Variants in DLG4 observed in about 807,000 individuals in gnomAD.
The protein encoded by DLG4 is discs large MAGUK scaffold protein 4.
Under a neutral mutation model 93.8 loss-of-function variants are expected in DLG4, and 7 were observed. The ratio of observed to expected loss-of-function variants is 0.07; its 90% CI spans 0.04 to 0.14. The LOEUF (loss-of-function observed/expected upper bound fraction) is 0.14. DLG4 is among the 10% of genes least tolerant of loss of function. The pLI, the probability that DLG4 is intolerant of heterozygous loss-of-function variation, is 1.00. For missense variants in DLG4, 545 were observed against 992.9 expected, an observed-to-expected ratio of 0.55 and a Z score of 6.06; for synonymous variants, 341 against 387.6, an observed-to-expected ratio of 0.88 and a Z score of 1.41.
intron 2 of DLG4, 41 bp from the exon 3 acceptor site, chr17:7,204,293 G>A (rs774825061): frequency 6.5e-7 from 1 of 1,537,394 alleles, no homozygotes; most frequent in East Asian, 2.3e-5. Context: ...CCTGAGCCTT[G>A]ACTCGAGAGG....
At chr17:7,205,845 C>T (rs2070441167) in intron 2 of DLG4, among the ~76,000 whole-genome samples, 1 of 150,856 alleles carries the variant, frequency 6.6e-6, no homozygotes, top group African/African-American at 2.4e-5. Context: ...ATCCCATAGC[C>T]CATCCTCAAT....
intron 1 of DLG4, among the ~76,000 whole-genome samples, chr17:7,215,114 C>T (rs2070852641): frequency 6.6e-6 from 1 of 152,202 alleles, no homozygotes; most frequent in South Asian, 2.1e-4. Flanking sequence ...CCAACAGCGC[C>T]ATGGGCAGCA....
At chr17:7,213,223 G>A (rs891465684) in intron 1 of DLG4, among the ~76,000 whole-genome samples, 3 of 150,300 alleles carry the variant, frequency 2.0e-5, no homozygotes, top group African/African-American at 4.9e-5. Flanking sequence ...TCAACCTCCC[G>A]GATATCTGGC....
chr17:7,218,342 C>G (rs2071030295), upstream of DLG4: 1 of 1,542,370 alleles, frequency 6.5e-7, no homozygotes, highest in East Asian at 2.4e-5. Flanking sequence ...CACATCACCC[C>G]TGTCATCACC....
At chr17:7,217,988 G>T (rs918545118), upstream of DLG4, among the ~76,000 whole-genome samples, 1 of 151,870 alleles carries the variant, frequency 6.6e-6, no homozygotes, top group Non-Finnish European at 1.5e-5. Context: ...GTTTCTCAGG[G>T]GGAAACCTAA....
rs1230296842 is a variant in DLG4, at chr17:7,208,995, A to G, written c.31-756T>C. 6.6e-6 allele frequency among the ~76,000 whole-genome samples: 1 copy of G among 152,102 alleles called. No individual in the cohort carries two copies. The highest frequency in any genetic ancestry group is 1.9e-4 in the East Asian group (1 of 5,180). On this transcript the variant is annotated intron_variant, in intron 1 of 19. Coordinates refer to ENST00000399506, the MANE Select transcript of DLG4 (RefSeq NM_001321075.3). The surrounding 1 kb of genome is among the most constrained non-coding windows in gnomAD (Gnocchi z 5.4). ...GCAACAGCCCACAGCCCAGCCAGCT[A>G]ATCCGGTTATGCTATAAGGGCATGG...
At chr17:7,207,745 C>T (rs1046411748) in intron 2 of DLG4, among the ~76,000 whole-genome samples, 31 of 151,518 alleles carry the variant, frequency 2.0e-4, no homozygotes, top group Middle Eastern at 3.4e-3. Flanking sequence ...CACACACACA[C>T]AGCACACACA....
At chr17:7,214,699 C>T (rs1489764566) in intron 1 of DLG4, among the ~76,000 whole-genome samples, 1 of 152,232 alleles carries the variant, frequency 6.6e-6, no homozygotes, top group Non-Finnish European at 1.5e-5. Flanking sequence ...CGCCACGCAG[C>T]TTCAGTCGTC....
At chr17:7,217,659 C>T, upstream of DLG4, 3 of 1,380,672 alleles carry the variant, frequency 2.2e-6, no homozygotes, top group Non-Finnish European at 2.9e-6. Context: ...AGGGAGGGAG[C>T]TAGGAGCCAG....
rs1250539641 is a variant in DLG4, at chr17:7,196,887, C to T, written c.953G>A (p.Arg318Gln). 6.2e-7 allele frequency: 1 copy of T among 1,613,760 alleles called. No homozygotes were observed. The highest frequency in any genetic ancestry group is 1.7e-5 in the Admixed American group (1 of 59,994). ...PREPRRIVIH[R>Q]GSTGLGFNIV... Reference sequence around the variant, plus strand: ...GTTGAAGCCCAGGCCCGTGGAGCCCCGGTGGATCACAATTCGCCTCGGTTC... The same window carrying T: ...GTTGAAGCCCAGGCCCGTGGAGCCCTGGTGGATCACAATTCGCCTCGGTTC... Residue 318 changes from arginine to glutamine, a missense_variant, in exon 9 of 20, where the codon CGG becomes CAG. Coordinates refer to ENST00000399506, the MANE Select transcript of DLG4 (RefSeq NM_001321075.3). This position sits in a 1 kb window ranked among gnomAD's most constrained non-coding sequence, Gnocchi z 8.3.
chr17:7,208,745 G>A lies in DLG4; in HGVS notation c.31-506C>T, dbSNP rs1419365872. On this transcript the variant is annotated intron_variant, in intron 1 of 19. Coordinates refer to ENST00000399506, the MANE Select transcript of DLG4 (RefSeq NM_001321075.3). This position sits in a 1 kb window ranked among gnomAD's most constrained non-coding sequence, Gnocchi z 5.4. ...CTACTCTGCATGGCATCCTCCCCGC[G>A]CCCCACCTCCATGGCCTCAGTCTCC... 2.0e-5 allele frequency among the ~76,000 whole-genome samples: 3 copies of A among 150,444 alleles called. No individual in the cohort carries two copies. Among genetic ancestry groups the A allele is most frequent in the South Asian group, 2.1e-4 (1 of 4,740 alleles).
intron 8 of DLG4, among the ~76,000 whole-genome samples, chr17:7,198,107 C>T (rs2069897279): frequency 6.6e-6 from 1 of 152,124 alleles, no homozygotes. Flanking sequence ...GCCACACTGA[C>T]AATCACCGCC....
chr17:7,196,153 C>T lies in DLG4; in HGVS notation c.1301+67G>A. ...GGTGGAGAAGAGGAGCGGCTGAGGC[C>T]CGGGCCAGGCACAGAGTGCCCAGGA... On this transcript the variant is annotated intron_variant, in intron 11 of 19. Transcript: ENST00000399506. This position sits in a 1 kb window ranked among gnomAD's most constrained non-coding sequence, Gnocchi z 8.3. 1 of 1,277,140 alleles carries T rather than the reference C, an allele frequency of 7.8e-7. No individual in the cohort carries two copies. The highest frequency in any genetic ancestry group is 1.5e-5 in the African/African-American group (1 of 67,658). The allele number at this position is 1,277,140 out of a possible 1,614,324, so 79.1% of individuals were successfully genotyped here.
At chr17:7,213,651 A>C (rs888623807) in intron 1 of DLG4, 35 of 420,300 alleles carry the variant, frequency 8.3e-5, no homozygotes, top group South Asian at 5.4e-4. Context: ...TCTCCCAAAC[A>C]ACTTAACCTG....
At position 7,203,668 on chromosome 17, in the gene DLG4, C is replaced by T. The variant is rs187222337; in HGVS notation, c.335+24G>A. On this transcript the variant is annotated intron_variant, in intron 5 of 19. Transcript: ENST00000399506. This position sits in a 1 kb window ranked among gnomAD's most constrained non-coding sequence, Gnocchi z 7.2. Reference sequence around the variant, plus strand: ...CCTCCCTCTCCAGGGACCAAGCAACCTAACCCCTGTCTCCTCTCCCCACCT... The same window carrying T: ...CCTCCCTCTCCAGGGACCAAGCAACTTAACCCCTGTCTCCTCTCCCCACCT... The T allele has an allele frequency of 2.7e-4, 433 of 1,613,700 alleles. No homozygotes were observed. The African/African-American group carries it at 4.8e-3, about 18-fold the overall frequency.
chr17:7,192,996 G>A lies in DLG4; in HGVS notation c.1815C>T (p.Asn605=). ...AHKFIEAGQY[N]SHLYGTSVQS... ...GGACGCTGGTCCCATAGAGGTGGCTGTTGTACTGGCCGGCCTCAATGAACT... is the reference window on the plus strand; with the variant it reads ...GGACGCTGGTCCCATAGAGGTGGCTATTGTACTGGCCGGCCTCAATGAACT... Residue 605 remains asparagine (N), a synonymous_variant, in exon 17 of 20, where the codon AAC becomes AAT. Transcript: ENST00000399506. 1 of 1,613,756 alleles carries A rather than the reference G, an allele frequency of 6.2e-7. No homozygotes were observed. The highest frequency in any genetic ancestry group is 8.5e-7 in the Non-Finnish European group (1 of 1,179,760).
At chr17:7,199,830 A>G (rs2142863275) in intron 8 of DLG4, among the ~76,000 whole-genome samples, 1 of 152,110 alleles carries the variant, frequency 6.6e-6, no homozygotes, top group South Asian at 2.1e-4. Context: ...ATACAAAAAA[A>G]TTAGCCAGGC....
rs1226421858 is a variant in DLG4 at position 7,208,826 on chromosome 17, G to A, written c.31-587C>T. On this transcript the variant is annotated intron_variant, in intron 1 of 19. Coordinates refer to ENST00000399506, the MANE Select transcript of DLG4 (RefSeq NM_001321075.3). This position sits in a 1 kb window ranked among gnomAD's most constrained non-coding sequence, Gnocchi z 5.4. The stretch of plus-strand genomic sequence containing the variant: ...GCTCTCCTTTACCTTGCACTCCTTA[G>A]GCAAGGACTGAAGTCACCCCTTCCA... Among the ~76,000 whole-genome samples the A allele has an allele frequency of 6.6e-6, 1 of 151,888 alleles. No individual in the cohort carries two copies. The highest frequency in any genetic ancestry group is 1.5e-5 in the Non-Finnish European group (1 of 67,976).
At chr17:7,212,336 A>G (rs768747256) in intron 1 of DLG4, among the ~76,000 whole-genome samples, 2 of 152,250 alleles carry the variant, frequency 1.3e-5, no homozygotes, top group African/African-American at 2.4e-5. Flanking sequence ...TTAAGGAACC[A>G]CAGAGCCTTG....
Sources: allele counts gnomAD v4.1 joint callset (sites outside exome capture counted in the v4.1 genomes callset), GRCh38; gene constraint gnomAD v4.1.1; non-coding constraint Gnocchi (gnomAD v3.1); transcripts MANE v1.5; gene names NCBI Gene and HGNC (gene_info 2026-07-23, HGNC 2026-07-21).